Variants in PTPRD observed in about 807,000 individuals in gnomAD.
PTPRD encodes the protein receptor-type tyrosine-protein phosphatase delta.
Under a neutral mutation model 214.5 loss-of-function variants are expected in PTPRD, and 34 were observed. The ratio of observed to expected loss-of-function variants is 0.16; its 90% confidence interval spans 0.12 to 0.21. The LOEUF is 0.21. PTPRD is among the 10% of genes least tolerant of loss of function. PTPRD has a pLI of 1.00. For missense variants in PTPRD, 2,545 were observed against 2,398.7 expected (o/e 1.06, Z -1.27); for synonymous variants, 1,128 against 845.7 (o/e 1.33, Z -5.79).
chr9:8,512,145 T>C (rs2097695725), intron 21 of PTPRD, among the ~76,000 whole-genome samples: 1 of 152,046 alleles, frequency 6.6e-6, no homozygotes, highest in Non-Finnish European at 1.5e-5. Flanking sequence ...AAGGTACATG[T>C]TTTAAAATGT....
intron 3 of PTPRD, among the ~76,000 whole-genome samples, chr9:10,205,081 C>A (rs1254286897): frequency 1.3e-5 from 2 of 151,988 alleles, no homozygotes; most frequent in African/African-American, 4.8e-5. Flanking sequence ...AAAGTGGCTG[C>A]CAGCCATATG....
intron 21 of PTPRD, among the ~76,000 whole-genome samples, chr9:8,508,808 G>T (rs565538402): frequency 1.3e-5 from 2 of 152,096 alleles, no homozygotes; most frequent in African/African-American, 2.4e-5. Flanking sequence ...AAAGCAGTCT[G>T]CAAGAATGAT....
chr9:8,789,761 G>A, intron 11 of PTPRD, among the ~76,000 whole-genome samples: 1 of 152,044 alleles, frequency 6.6e-6, no homozygotes, highest in South Asian at 2.1e-4. Context: ...ATCGGGAGGG[G>A]GTGGAATTCA....
intron 8 of PTPRD, among the ~76,000 whole-genome samples, chr9:9,484,163 T>G (rs2095531507): frequency 6.6e-6 from 1 of 151,900 alleles, no homozygotes; most frequent in African/African-American, 2.4e-5. Flanking sequence ...AAATAAAAAT[T>G]TTAAACATTT....
At chr9:8,348,166 C>T (rs187161512) in intron 39 of PTPRD, among the ~76,000 whole-genome samples, 3 of 152,250 alleles carry the variant, frequency 2.0e-5, no homozygotes, top group African/African-American at 7.2e-5. Context: ...ATTTTAGGGA[C>T]TGGCTATAAC....
intron 2 of PTPRD, among the ~76,000 whole-genome samples, chr9:10,450,549 C>G (rs1188995795): frequency 6.6e-6 from 1 of 151,920 alleles, no homozygotes; most frequent in African/African-American, 2.4e-5. Flanking sequence ...TTTTACGAAT[C>G]CTTAGGTATG....
intron 5 of PTPRD, among the ~76,000 whole-genome samples, chr9:9,844,459 C>G (rs9408793): frequency 0.48 from 72,179 of 151,708 alleles, 18,844 homozygotes; most frequent in Non-Finnish European, 0.6. Flanking sequence ...TAAATGAGAT[C>G]TTGATCAAAG....
chr9:9,720,228 A>T (rs568053960), intron 7 of PTPRD, among the ~76,000 whole-genome samples: 1 of 152,152 alleles, frequency 6.6e-6, no homozygotes, highest in East Asian at 1.9e-4. Flanking sequence ...TCCAAAGTAG[A>T]TCTTCATAAT....
At chr9:8,868,262 C>T (rs544330105) in intron 11 of PTPRD, among the ~76,000 whole-genome samples, 3 of 152,270 alleles carry the variant, frequency 2.0e-5, no homozygotes, top group East Asian at 1.9e-4. Context: ...TAGAGTGGCA[C>T]GATCTCAGCT....
At chr9:9,161,706 G>T (rs1480421504) in intron 10 of PTPRD, among the ~76,000 whole-genome samples, 2 of 152,004 alleles carry the variant, frequency 1.3e-5, no homozygotes, top group African/African-American at 4.8e-5. Context: ...GCTGTACATT[G>T]ACATCTGTGG....
intron 10 of PTPRD, among the ~76,000 whole-genome samples, chr9:9,132,351 A>T (rs1592146988): frequency 6.6e-6 from 1 of 152,192 alleles, no homozygotes; most frequent in Non-Finnish European, 1.5e-5. Flanking sequence ...TAAATCTTGC[A>T]TGATTTGGGT....
intron 3 of PTPRD, among the ~76,000 whole-genome samples, chr9:10,261,468 T>G (rs1203885650): frequency 1.3e-5 from 2 of 152,048 alleles, no homozygotes; most frequent in Admixed American, 1.3e-4. Context: ...ACATTATAAC[T>G]TTGTAAAAGT....
rs1431806681 is a variant in PTPRD at position 8,733,810 on chromosome 9, G to A, written c.34C>T (p.Leu12Phe). Reference protein sequence around the residue: ...VHVARLLLLLLTFFLRTDAET... With the variant: ...VHVARLLLLLFTFFLRTDAET... ...GCATCCGTGCGGAGGAAGAAAGTGA[G>A]GAGCAGCAGCAGCAGCCTGGCTACG... Residue 12 changes from leucine to phenylalanine, a missense_variant, in exon 12 of 46, where the codon CTC becomes TTC. Physicochemically the swap from Leu to Phe is conservative, Grantham distance 22. Coordinates refer to ENST00000381196, the MANE Select transcript of PTPRD (RefSeq NM_002839.4). 6.4e-7 allele frequency: 1 copy of A among 1,553,084 alleles called. No homozygotes were observed.
In PTPRD at chr9:10,345,173, A is replaced by T. The variant is rs185682189; in HGVS notation, c.-599-4156T>A. Reference sequence around the variant, plus strand: ...ACTGGGCAAATTCAAAATTATCAAAATTCAAAATAATCAAAATTATAAATT... The same window carrying T: ...ACTGGGCAAATTCAAAATTATCAAATTTCAAAATAATCAAAATTATAAATT... On this transcript the variant is annotated intron_variant, in intron 2 of 45. Coordinates refer to ENST00000381196, the MANE Select transcript of PTPRD (RefSeq NM_002839.4). Among the ~76,000 whole-genome samples, 1,215 of 152,280 alleles carry T rather than the reference A, an allele frequency of 8.0e-3. 7 individuals are homozygous for T. Among genetic ancestry groups the T allele is most frequent in the Non-Finnish European group, 0.011 (716 of 68,016 alleles).
rs540377830 is a variant in PTPRD, at chr9:10,203,407, G to A, written c.-545+137556C>T. On this transcript the variant is annotated intron_variant, in intron 3 of 45. Coordinates refer to ENST00000381196, the MANE Select transcript of PTPRD (RefSeq NM_002839.4). The stretch of plus-strand genomic sequence containing the variant: ...TTTTATACTACAGTTTGTCAGCTTT[G>A]GCTACCCCCCAGGACATTTGGTAGG... Among the ~76,000 whole-genome samples the A allele has an allele frequency of 3.3e-5, 5 of 151,958 alleles. No homozygotes were observed. In the East Asian group the frequency reaches 9.7e-4, roughly 30 times the overall value.
intron 11 of PTPRD, among the ~76,000 whole-genome samples, chr9:8,886,656 AG>A (rs1259163071): frequency 6.6e-6 from 1 of 152,214 alleles, no homozygotes; most frequent in East Asian, 1.9e-4. Context: ...ATATAGTCCT[AG>A]GGCTGAATTT....
chr9:10,052,151 C>G (rs2097546569), intron 3 of PTPRD, among the ~76,000 whole-genome samples: 4 of 152,012 alleles, frequency 2.6e-5, no homozygotes. Flanking sequence ...ACCATGTTTC[C>G]CAGGCTGATC....
At chr9:9,979,027 C>A (rs1267925323) in intron 4 of PTPRD, among the ~76,000 whole-genome samples, 5 of 152,022 alleles carry the variant, frequency 3.3e-5, no homozygotes, top group African/African-American at 4.8e-5. Flanking sequence ...ACCAGTAATT[C>A]TATTCTCAGA....
At chr9:9,226,522 G>A (rs2099959574) in intron 9 of PTPRD, among the ~76,000 whole-genome samples, 1 of 151,904 alleles carries the variant, frequency 6.6e-6, no homozygotes, top group African/African-American at 2.4e-5. Flanking sequence ...CAAGTGGAGG[G>A]AGAGGGGTAA....
Sources: gnomAD v4.1 joint callset for allele counts (sites outside exome capture counted in the v4.1 genomes callset) on GRCh38, gnomAD v4.1.1 for gene constraint, MANE v1.5 for transcripts, NCBI Gene and HGNC (gene_info 2026-07-23, HGNC 2026-07-21) for gene names.